CMPK2: variants seen among roughly 807,000 people sequenced by gnomAD.
CMPK2 encodes the protein UMP-CMP kinase 2, mitochondrial.
Under a neutral mutation model 33.4 loss-of-function variants are expected in CMPK2, and 32 were observed. The ratio of observed to expected loss-of-function variants is 0.96; its 90% CI spans 0.72 to 1.29. The LOEUF is 1.29. Among genes scored for constraint, CMPK2 ranks in the 50% most tolerant of loss-of-function variants. The probability of loss-of-function intolerance (pLI) is 0.00; values close to 1 mark genes in which losing one functional copy is unlikely to be tolerated. For missense variants in CMPK2, 672 were observed against 616.0 expected (o/e 1.09, Z -0.96); for synonymous variants, 299 against 275.3 (o/e 1.09, Z -0.85).
chr2:6,845,279 T>C (rs1273565891), downstream of CMPK2, among the ~76,000 whole-genome samples: 1 of 152,160 alleles, frequency 6.6e-6, no homozygotes, highest in Non-Finnish European at 1.5e-5. Context: ...ATATGAGCCA[T>C]TTTATCATCA....
intron 3 of CMPK2, among the ~76,000 whole-genome samples, chr2:6,856,158 T>G (rs1662698616): frequency 6.6e-6 from 1 of 152,176 alleles, no homozygotes; most frequent in Non-Finnish European, 1.5e-5. Flanking sequence ...GCAGTTCTGC[T>G]CCTGGGAACC....
In CMPK2 at chr2:6,849,701, T is replaced by C; in HGVS notation, c.*149A>G. 6.6e-7 allele frequency: 1 copy of C among 1,513,160 alleles called. No homozygotes were observed. The highest frequency in any genetic ancestry group is 8.8e-7 in the Non-Finnish European group (1 of 1,142,838). The allele number at this position is 1,513,160 out of a possible 1,614,324, so 93.7% of individuals were successfully genotyped here. A position where few individuals can be genotyped will look rare whatever the true frequency, so the allele number is the denominator to read the frequency against. On this transcript the variant is annotated 3_prime_UTR_variant, in exon 5 of 5. Coordinates refer to ENST00000256722, the MANE Select transcript of CMPK2 (RefSeq NM_207315.4). ...ATCAGTCAGAAGAGGGTACGATGGCTGAAGTAAAATTAAGATGCCTGGTCT... is the reference window on the plus strand; with the variant it reads ...ATCAGTCAGAAGAGGGTACGATGGCCGAAGTAAAATTAAGATGCCTGGTCT...
intron 3 of CMPK2, among the ~76,000 whole-genome samples, chr2:6,853,671 G>A (rs946889949): frequency 6.6e-6 from 1 of 152,176 alleles, no homozygotes; most frequent in Non-Finnish European, 1.5e-5. Context: ...GGGAGGCTGA[G>A]GTGGGTGGAT....
intron 4 of CMPK2, 89 bp downstream of exon 4, chr2:6,851,361 A>G: frequency 6.4e-7 from 1 of 1,572,266 alleles, no homozygotes. Context: ...AAACAATATC[A>G]CTTCCTCACA....
chr2:6,843,890 T>C (rs1022005806), downstream of CMPK2, among the ~76,000 whole-genome samples: 1 of 152,220 alleles, frequency 6.6e-6, no homozygotes, highest in Non-Finnish European at 1.5e-5. Flanking sequence ...ACCTTTCTCC[T>C]TTCTACGTCC....
chr2:6,853,142 G>T (rs910587983), intron 3 of CMPK2, among the ~76,000 whole-genome samples: 2 of 152,100 alleles, frequency 1.3e-5, no homozygotes, highest in African/African-American at 2.4e-5. Context: ...TAGAGATGGG[G>T]TTTCATCATG....
At chr2:6,853,810 G>A (rs1261526502) in intron 3 of CMPK2, among the ~76,000 whole-genome samples, 1 of 152,100 alleles carries the variant, frequency 6.6e-6, no homozygotes, top group African/African-American at 2.4e-5. Context: ...GCTGAGGCAG[G>A]AGAATGGCGT....
intron 3 of CMPK2, among the ~76,000 whole-genome samples, chr2:6,852,474 C>A (rs1006191549): frequency 3.9e-5 from 6 of 152,128 alleles, no homozygotes; most frequent in African/African-American, 1.4e-4. Flanking sequence ...GAGTGAGGTT[C>A]TCAGCCAGCA....
downstream of CMPK2, chr2:6,840,564 CA>C (rs757296023): frequency 8.5e-6 from 6 of 702,240 alleles, no homozygotes; most frequent in South Asian, 8.9e-5. Flanking sequence ...TCTGGGATGT[CA>C]GGGGTCATTC....
At chr2:6,846,526 G>A (rs1662366140), downstream of CMPK2, among the ~76,000 whole-genome samples, 2 of 152,140 alleles carry the variant, frequency 1.3e-5, no homozygotes, top group Non-Finnish European at 2.9e-5. Context: ...ATATCCCTAG[G>A]TTACAAAAAC....
intron 4 of CMPK2, 27 bp downstream of exon 4, chr2:6,851,423 C>CACATTGCATTGCACTG (rs1219918353): frequency 3.7e-6 from 6 of 1,613,998 alleles, no homozygotes; most frequent in Non-Finnish European, 4.2e-6. Flanking sequence ...GCCTGCCGCT[C>CACATTGCATTGCACTG]ACATTGCATT....
chr2:6,858,816 G>C (rs533924101), intron 3 of CMPK2, among the ~76,000 whole-genome samples: 1 of 152,338 alleles, frequency 6.6e-6, no homozygotes, highest in East Asian at 1.9e-4. Context: ...ATTGGTACCA[G>C]AAGTGGGGTG....
At chr2:6,853,911 A>C (rs1160602482) in intron 3 of CMPK2, among the ~76,000 whole-genome samples, 1 of 152,080 alleles carries the variant, frequency 6.6e-6, no homozygotes, top group Non-Finnish European at 1.5e-5. Context: ...AAAAAAAAAA[A>C]AGAAAAATTC....
At chr2:6,847,122 T>C (rs1662381814), downstream of CMPK2, among the ~76,000 whole-genome samples, 1 of 152,016 alleles carries the variant, frequency 6.6e-6, no homozygotes, top group African/African-American at 2.4e-5. Flanking sequence ...GAAAGGGGAA[T>C]GAATGTGCTT....
rs767270835 is a variant in CMPK2 at position 6,861,321 on chromosome 2, G to T, written c.855C>A (p.Pro285=). The change falls in exon 3 of 5, where the codon CCC becomes CCA. Residue 285 remains proline, a synonymous_variant. Transcript: ENST00000256722. ...TCTTCCTCCACTGGCCAATGCAAGAGGGTGGTGACTTTAAGAGGACAGCCT... is the reference window on the plus strand; with the variant it reads ...TCTTCCTCCACTGGCCAATGCAAGATGGTGGTGACTTTAAGAGGACAGCCT... ...SLKAVLLKSP[P]SCIGQWRKIF... is the part of the protein sequence containing the mutation. The T allele has an allele frequency of 3.2e-5, 51 of 1,614,162 alleles. No individual in the cohort carries two copies. Among genetic ancestry groups the T allele is most frequent in the Non-Finnish European group, 4.2e-5 (50 of 1,180,026 alleles).
downstream of CMPK2, among the ~76,000 whole-genome samples, chr2:6,844,870 A>C (rs1349800651): frequency 1.3e-5 from 2 of 152,210 alleles, no homozygotes; most frequent in African/African-American, 4.8e-5. Context: ...TAGGGTCATC[A>C]GAGAACCTGT....
chr2:6,865,192 G>A lies in CMPK2; in HGVS notation c.505C>T (p.Arg169Cys), dbSNP rs1202719765. Residue 169 changes from arginine (R) to cysteine (C), a missense_variant, in exon 1 of 5, where the codon CGC becomes TGC. Transcript: ENST00000256722. ...PHLGEFEADP[R>C]GQLWQRLWEV... ...CAGAGGCGCTGCCACAGCTGGCCGC[G>A]CGGGTCGGCCTCGAACTCGCCCAAG... The A allele has an allele frequency of 3.9e-6, 6 of 1,532,478 alleles. No individual in the cohort carries two copies. Among genetic ancestry groups the A allele is most frequent in the Middle Eastern group, 1.7e-4 (1 of 5,864 alleles). The allele number at this position is 1,532,478 out of a possible 1,614,324, so 94.9% of individuals were successfully genotyped here. A position where few individuals can be genotyped will look rare whatever the true frequency, so the allele number is the denominator to read the frequency against.
rs1273812877 is a variant in CMPK2 at position 6,865,185 on chromosome 2, T to A, written c.512A>T (p.Gln171Leu). ...CACCTCCCAGAGGCGCTGCCACAGC[T>A]GGCCGCGCGGGTCGGCCTCGAACTC... Reference protein sequence around the residue: ...LGEFEADPRGQLWQRLWEVQD... With the variant: ...LGEFEADPRGLLWQRLWEVQD... Residue 171 changes from glutamine (Q) to leucine (L), a missense_variant, in exon 1 of 5, where the codon CAG (glutamine) becomes CTG (leucine). Physicochemically the swap from Gln to Leu is moderately radical, Grantham distance 113. Coordinates refer to ENST00000256722, the MANE Select transcript of CMPK2 (RefSeq NM_207315.4). 1 of 1,534,296 alleles carries A rather than the reference T, an allele frequency of 6.5e-7. No individual in the cohort carries two copies. Among genetic ancestry groups the A allele is most frequent in the Non-Finnish European group, 8.7e-7 (1 of 1,143,494 alleles).
Position 6,865,629 on chromosome 2 carries a change from C to G in CMPK2, c.68G>C (p.Cys23Ser), listed in dbSNP as rs1370900368. 1 of 1,369,454 alleles carries G rather than the reference C, an allele frequency of 7.3e-7. No homozygotes were observed. Among genetic ancestry groups the G allele is most frequent in the African/African-American group, 1.5e-5 (1 of 65,646 alleles). 84.8% of individuals were successfully genotyped at this position (1,369,454 alleles called of 1,614,324 possible). ...SGPLLGRRGV[C>S]AGAMAPPRRF... ...GCGCGGCGGAGCCATGGCCCCAGCG[C>G]AGACCCCGCGCCGCCCGAGCAGCGG... The change falls in exon 1 of 5, where the codon TGC becomes TCC. Residue 23 changes from cysteine (C) to serine (S), a missense_variant. Cys to Ser is a moderately radical substitution (Grantham distance 112). Coordinates refer to ENST00000256722, the MANE Select transcript of CMPK2 (RefSeq NM_207315.4).
Sources: allele counts gnomAD v4.1 joint callset (sites outside exome capture counted in the v4.1 genomes callset), GRCh38; gene constraint gnomAD v4.1.1; transcripts MANE v1.5; gene names NCBI Gene and HGNC (gene_info 2026-07-23, HGNC 2026-07-21).